The following SPATA9 variants were observed in gnomAD, a reference collection of about 807,000 sequenced individuals.
SPATA9 encodes spermatogenesis associated 9, also known as spermatogenesis-associated protein 9.
SPATA9 carries 27 observed loss-of-function variants against 25.5 expected under a neutral mutation model. The observed-to-expected ratio is 1.06, with a 90% CI of 0.78 to 1.46. The LOEUF is 1.46. Ranked by LOEUF, SPATA9 falls within the 40% of genes most tolerant of loss-of-function variation. The pLI, the probability that SPATA9 is intolerant of heterozygous loss-of-function variation, is 0.00. For missense variants in SPATA9, 282 were observed against 297.5 expected, an observed-to-expected ratio of 0.95 and a Z score of 0.38; for synonymous variants, 102 against 105.7, an observed-to-expected ratio of 0.97 and a Z score of 0.21.
chr5:95,700,303 ATTTTT>A (rs1020274200), upstream of SPATA9, among the ~76,000 whole-genome samples: 1 of 148,250 alleles, frequency 6.7e-6, no homozygotes. Context: ...TTTAAAAAAA[ATTTTT>A]TTTTTTGTTT....
intron 2 of SPATA9, among the ~76,000 whole-genome samples, chr5:95,681,672 G>C (rs1753472157): frequency 6.6e-6 from 1 of 152,126 alleles, no homozygotes; most frequent in Non-Finnish European, 1.5e-5. Flanking sequence ...ATGTCTGATG[G>C]CTGGTTGTCT....
downstream of SPATA9, chr5:95,656,457 T>C (rs1580271752): frequency 3.3e-6 from 2 of 615,252 alleles, no homozygotes; most frequent in Non-Finnish European, 5.7e-6. Flanking sequence ...AGAGCACACA[T>C]ACTTAGTATG....
At chr5:95,709,066 C>T in the SPATA9 span, among the ~76,000 whole-genome samples, 1 of 152,092 alleles carries the variant, frequency 6.6e-6, no homozygotes, top group African/African-American at 2.4e-5. Context: ...GCCTTCAGAG[C>T]CGTTGGCATC....
At chr5:95,699,297 C>T (rs1448296187), upstream of SPATA9, among the ~76,000 whole-genome samples, 1 of 152,116 alleles carries the variant, frequency 6.6e-6, no homozygotes, top group East Asian at 1.9e-4. Context: ...GGGGATAAAT[C>T]ATGCCTACTT....
chr5:95,711,606 G>A, the SPATA9 span, among the ~76,000 whole-genome samples: 3 of 152,174 alleles, frequency 2.0e-5, no homozygotes, highest in Admixed American at 2.0e-4. Flanking sequence ...AGGGGACGTC[G>A]TCAAGGAGAT....
the SPATA9 span, among the ~76,000 whole-genome samples, chr5:95,724,312 C>T: frequency 2.6e-5 from 4 of 152,240 alleles, no homozygotes; most frequent in South Asian, 2.1e-4. Flanking sequence ...ATATATTTCC[C>T]GCTTGCAAAA....
downstream of SPATA9, chr5:95,658,109 G>C (rs1205871708): frequency 6.6e-6 from 1 of 152,130 alleles, no homozygotes; most frequent in Admixed American, 6.5e-5. Context: ...CATCACATTG[G>C]TAAGTAATAT....
At chr5:95,695,741 T>A (rs763519133) in intron 1 of SPATA9, among the ~76,000 whole-genome samples, 3 of 152,228 alleles carry the variant, frequency 2.0e-5, no homozygotes, top group Non-Finnish European at 4.4e-5. Context: ...ATTTGTTAAA[T>A]CATATGATAT....
chr5:95,713,324 A>G, the SPATA9 span, among the ~76,000 whole-genome samples: 2 of 151,850 alleles, frequency 1.3e-5, no homozygotes, highest in Non-Finnish European at 2.9e-5. Context: ...CTCATGTCGA[A>G]TTGTAATTCC....
At chr5:95,674,953 A>C (rs935634891) in intron 3 of SPATA9, among the ~76,000 whole-genome samples, 4 of 152,348 alleles carry the variant, frequency 2.6e-5, no homozygotes, top group African/African-American at 7.2e-5. Context: ...GATTCCAAAA[A>C]AGTTTTAAGA....
chr5:95,695,387 C>A (rs212996), intron 1 of SPATA9, among the ~76,000 whole-genome samples: 19 of 151,984 alleles, frequency 1.3e-4, no homozygotes, highest in African/African-American at 4.6e-4. Context: ...CACTTGAGGT[C>A]GGGAGTTTGA....
At chr5:95,652,433 C>G, downstream of SPATA9, 1 of 1,399,576 alleles carries the variant, frequency 7.1e-7, no homozygotes, top group Non-Finnish European at 9.7e-7. Flanking sequence ...GACATCTCTA[C>G]TTGGATGTCT....
At chr5:95,690,414 C>A (rs1292289548) in intron 1 of SPATA9, among the ~76,000 whole-genome samples, 1 of 152,052 alleles carries the variant, frequency 6.6e-6, no homozygotes, top group Non-Finnish European at 1.5e-5. Context: ...TATGTGATAC[C>A]AAGTCTGGGG....
At chr5:95,731,210 G>A in the SPATA9 span, 41 of 1,001,794 alleles carry the variant, frequency 4.1e-5, no homozygotes, top group Non-Finnish European at 4.9e-5. Context: ...CGCGGGGAGC[G>A]CGTCCCCCGC....
At chr5:95,707,244 G>C in the SPATA9 span, among the ~76,000 whole-genome samples, 1 of 152,182 alleles carries the variant, frequency 6.6e-6, no homozygotes, top group Non-Finnish European at 1.5e-5. Flanking sequence ...AAATCTTGGA[G>C]GAAGAATGAA....
downstream of SPATA9, chr5:95,652,368 A>T: frequency 6.5e-7 from 1 of 1,544,332 alleles, no homozygotes; most frequent in Non-Finnish European, 8.8e-7. Context: ...GAAACTCCCC[A>T]GTTTTTCTCT....
chr5:95,659,937 A>G (rs1751113950), intron 4 of SPATA9, among the ~76,000 whole-genome samples: 1 of 152,080 alleles, frequency 6.6e-6, no homozygotes, highest in Non-Finnish European at 1.5e-5. Context: ...CCCTCTACCT[A>G]TCTCCCTCTT....
chr5:95,676,192 A>T (rs923082515), intron 2 of SPATA9, among the ~76,000 whole-genome samples: 1 of 152,132 alleles, frequency 6.6e-6, no homozygotes, highest in Non-Finnish European at 1.5e-5. Context: ...CAGCCAAAAG[A>T]TACAAATGTT....
chr5:95,722,145 A>G, the SPATA9 span, among the ~76,000 whole-genome samples: 107 of 152,200 alleles, frequency 7.0e-4, no homozygotes, highest in Non-Finnish European at 7.8e-4. Flanking sequence ...AAAACGTGCC[A>G]GCTGGGATAG....
Sources: allele counts gnomAD v4.1 joint callset (sites outside exome capture counted in the v4.1 genomes callset), GRCh38; gene constraint gnomAD v4.1.1; transcripts MANE v1.5; gene names NCBI Gene and HGNC (gene_info 2026-07-23, HGNC 2026-07-21).